TK1: variants seen among roughly 807,000 people sequenced by gnomAD.
TK1 encodes the protein thymidine kinase, cytosolic.
TK1 carries 13 observed loss-of-function variants against 22.4 expected under a neutral mutation model. That is an observed-to-expected ratio of 0.58 (90% CI 0.38 to 0.92). The LOEUF (loss-of-function observed/expected upper bound fraction) is 0.92, where lower values mean the gene tolerates loss of function less well. Ranked by LOEUF, TK1 falls within the 40% of genes least tolerant of loss-of-function variation. TK1 has a pLI of 0.00. For missense variants in TK1, 251 were observed against 315.7 expected (o/e 0.80, Z 1.55); for synonymous variants, 134 against 125.4 (o/e 1.07, Z -0.46).
At chr17:78,186,098 A>C (rs767459623) in intron 2 of TK1, among the ~76,000 whole-genome samples, 4 of 151,776 alleles carry the variant, frequency 2.6e-5, no homozygotes, top group Non-Finnish European at 4.4e-5. Context: ...CCAGCTCTAT[A>C]AAAATAAAAT....
chr17:78,175,879 A>T (rs373207524), intron 4 of TK1, among the ~76,000 whole-genome samples: 2 of 152,156 alleles, frequency 1.3e-5, no homozygotes, highest in Admixed American at 1.3e-4. Flanking sequence ...AGGACTCAGC[A>T]CCGGACTTCC....
At chr17:78,177,365 T>C (rs909724851) in intron 4 of TK1, among the ~76,000 whole-genome samples, 1 of 152,176 alleles carries the variant, frequency 6.6e-6, no homozygotes, top group Non-Finnish European at 1.5e-5. Flanking sequence ...ATACATAAAA[T>C]TACTCTCAGG....
chr17:78,175,160 C>G lies in TK1; in HGVS notation c.403G>C (p.Ala135Pro), dbSNP rs1446355938. 3 of 1,606,452 alleles carry G rather than the reference C, an allele frequency of 1.9e-6. No individual in the cohort carries two copies. The highest frequency in any genetic ancestry group is 2.5e-6 in the Non-Finnish European group (3 of 1,179,156). The change falls in exon 6 of 7, where the codon GCC becomes CCC. Residue 135 changes from alanine (A) to proline (P), a missense_variant. Coordinates refer to ENST00000301634, the MANE Select transcript of TK1 (RefSeq NM_003258.5). ...GCCAGCGGCACCAGGTTCAGGATGG[C>G]CCCAAATGGCTGCGCTCCCATGGAA... is the stretch of plus-strand genomic sequence containing the variant. ...DGTFQRKPFG[A>P]ILNLVPLAES...
chr17:78,181,207 T>A (rs1358060577), intron 4 of TK1, among the ~76,000 whole-genome samples: 1 of 151,864 alleles, frequency 6.6e-6, no homozygotes, highest in East Asian at 1.9e-4. Flanking sequence ...ATCACGTCAC[T>A]CCACTCCAGC....
intron 4 of TK1, among the ~76,000 whole-genome samples, chr17:78,181,684 A>T (rs1482133381): frequency 6.6e-6 from 1 of 152,142 alleles, no homozygotes. Flanking sequence ...TAAAAAAGGT[A>T]CTTCAACAAC....
chr17:78,187,146 ACCTGGCGGGAGAT>A, upstream of TK1: 1 of 978,434 alleles, frequency 1.0e-6, no homozygotes, highest in Non-Finnish European at 1.6e-6. Context: ...CCGGCCGCTG[ACCTGGCGGGAGAT>A]TTGGCCGCAG....
intron 4 of TK1, among the ~76,000 whole-genome samples, chr17:78,180,343 T>G (rs950167229): frequency 6.6e-6 from 1 of 152,270 alleles, no homozygotes; most frequent in Non-Finnish European, 1.5e-5. Context: ...ATTCCTGTTA[T>G]GTTTATATCA....
intron 3 of TK1, chr17:78,183,726 T>C (rs2075756879): frequency 6.6e-6 from 1 of 152,172 alleles, no homozygotes; most frequent in African/African-American, 2.4e-5. Flanking sequence ...CAAAAAAACA[T>C]ACTTTACAAC....
intron 3 of TK1, 24 bp from the exon 4 acceptor site, chr17:78,182,706 G>C: frequency 6.5e-7 from 1 of 1,536,060 alleles, no homozygotes; most frequent in Non-Finnish European, 8.7e-7. Context: ...GCCAGAGCGT[G>C]AGCAGGGCCA....
intron 4 of TK1, among the ~76,000 whole-genome samples, chr17:78,178,025 C>T (rs2075713543): frequency 6.6e-6 from 1 of 152,134 alleles, no homozygotes; most frequent in Non-Finnish European, 1.5e-5. Flanking sequence ...TGTGTGCCAC[C>T]ACGCTTGGCT....
chr17:78,186,841 T>C, intron 1 of TK1, 23 bp from the exon 2 acceptor site: 5 of 1,577,434 alleles, frequency 3.2e-6, no homozygotes, highest in South Asian at 2.3e-5. Context: ...GTGAGGTCAT[T>C]TGAGGGCCCG....
At chr17:78,184,904 T>C (rs2075769714) in intron 3 of TK1, 151 bp downstream of exon 3, 3 of 628,516 alleles carry the variant, frequency 4.8e-6, no homozygotes, top group Non-Finnish European at 8.3e-6. Context: ...GTGGAGAGTG[T>C]GCGCTACCTT....
In TK1 at chr17:78,186,686, AGGG is replaced by A. The variant is rs1205581218; in HGVS notation, c.98+98_98+100del. ...GGGGAAGGGAAGGGGAGGGAAGGGA[AGGG>A]GAGGGGAGGGGAGGGGAGGGAAGGG... On this transcript the variant is annotated intron_variant, in intron 2 of 6. Coordinates refer to ENST00000301634, the MANE Select transcript of TK1 (RefSeq NM_003258.5). 7 of 382,648 alleles carry A rather than the reference AGGG, an allele frequency of 1.8e-5. No individual in the cohort carries two copies. In the South Asian group the frequency reaches 2.0e-4, roughly 11 times the overall value. 23.7% of individuals were successfully genotyped at this position (382,648 alleles called of 1,614,324 possible).
At chr17:78,179,348 T>C in intron 4 of TK1, 1 of 985,310 alleles carries the variant, frequency 1.0e-6, no homozygotes, top group Non-Finnish European at 1.2e-6. Context: ...CAGGAGTCCC[T>C]CAAGCACGGG....
intron 4 of TK1, among the ~76,000 whole-genome samples, chr17:78,180,395 T>A (rs1167630416): frequency 6.6e-6 from 1 of 152,232 alleles, no homozygotes; most frequent in Non-Finnish European, 1.5e-5. Flanking sequence ...TAAAAGTACC[T>A]AAGAGGTCAA....
At chr17:78,183,431 G>C (rs1022388963) in intron 3 of TK1, among the ~76,000 whole-genome samples, 1 of 152,188 alleles carries the variant, frequency 6.6e-6, no homozygotes, top group African/African-American at 2.4e-5. Flanking sequence ...AGACACAGCA[G>C]CTCATGCCCG....
intron 4 of TK1, among the ~76,000 whole-genome samples, chr17:78,180,249 G>GC (rs1232834991): frequency 3.9e-5 from 6 of 152,234 alleles, no homozygotes; most frequent in Admixed American, 3.3e-4. Context: ...TATACAGCCA[G>GC]CCAGGGCGAC....
intron 2 of TK1, among the ~76,000 whole-genome samples, chr17:78,185,650 G>A (rs7217665): frequency 0.081 from 12,339 of 151,898 alleles, 816 homozygotes; most frequent in African/African-American, 0.18. Flanking sequence ...TCAACCTCCC[G>A]AGTAGCTGGG....
chr17:78,174,626 G>T lies in TK1; in HGVS notation c.*133C>A. ...GCAGGTGGGGCAGCCACACAAAGGA[G>T]AGTTCCCAGAAGGCCAAGGTGTGGT... is the stretch of plus-strand genomic sequence containing the variant. On this transcript the variant is annotated 3_prime_UTR_variant, in exon 7 of 7. Coordinates refer to ENST00000301634, the MANE Select transcript of TK1 (RefSeq NM_003258.5). 9.8e-7 allele frequency: 1 copy of T among 1,015,386 alleles called. No individual in the cohort carries two copies. Among genetic ancestry groups the T allele is most frequent in the Non-Finnish European group, 1.4e-6 (1 of 714,636 alleles). 62.9% of individuals were successfully genotyped at this position (1,015,386 alleles called of 1,614,324 possible).
Sources: allele counts gnomAD v4.1 joint callset (sites outside exome capture counted in the v4.1 genomes callset), GRCh38; gene constraint gnomAD v4.1.1; transcripts MANE v1.5; gene names NCBI Gene and HGNC (gene_info 2026-07-23, HGNC 2026-07-21).